Variants in ASIC2 observed in about 807,000 individuals in gnomAD.
The protein encoded by ASIC2 is acid-sensing ion channel 2.
In ASIC2, 25 loss-of-function variants were observed where a neutral mutation model predicts 57.3. The ratio of observed to expected loss-of-function variants is 0.44; its 90% CI spans 0.32 to 0.61. ASIC2 has a LOEUF of 0.61. ASIC2 is among the 20% of genes least tolerant of loss of function. The pLI, the probability that ASIC2 is intolerant of heterozygous loss-of-function variation, is 0.06. For synonymous variants in ASIC2, 319 were observed against 307.5 expected, an observed-to-expected ratio of 1.04 and a Z score of -0.39; for missense variants, 641 against 738.1, an observed-to-expected ratio of 0.87 and a Z score of 1.52.
intron 3 of ASIC2, among the ~76,000 whole-genome samples, chr17:33,049,649 T>G (rs1299821190): frequency 6.6e-6 from 1 of 152,196 alleles, no homozygotes; most frequent in Non-Finnish European, 1.5e-5. Context: ...GTTGTTATTA[T>G]TGCCTGTAGA....
intron 1 of ASIC2, among the ~76,000 whole-genome samples, chr17:33,273,624 T>C (rs1050780098): frequency 6.6e-6 from 1 of 152,108 alleles, no homozygotes; most frequent in African/African-American, 2.4e-5. Context: ...AACAGAACAA[T>C]AACAGCCAAA....
intron 1 of ASIC2, among the ~76,000 whole-genome samples, chr17:33,731,847 G>A (rs998873067): frequency 2.6e-5 from 4 of 152,172 alleles, no homozygotes; most frequent in African/African-American, 7.2e-5. Context: ...CAAAGACAGT[G>A]TTCAGAACAG....
intron 3 of ASIC2, among the ~76,000 whole-genome samples, chr17:33,073,329 G>A (rs144240280): frequency 6.6e-6 from 1 of 152,306 alleles, no homozygotes; most frequent in East Asian, 1.9e-4. Context: ...GTTACCAAAA[G>A]TTCTGTCCAC....
chr17:34,010,613 G>C (rs928210985), intron 1 of ASIC2, among the ~76,000 whole-genome samples: 2 of 151,710 alleles, frequency 1.3e-5, no homozygotes, highest in African/African-American at 4.8e-5. Context: ...ACACAGATAC[G>C]CACAAACATA....
intron 1 of ASIC2, among the ~76,000 whole-genome samples, chr17:33,964,822 C>A (rs1905030041): frequency 6.6e-6 from 1 of 152,206 alleles, no homozygotes; most frequent in Admixed American, 6.5e-5. Flanking sequence ...AGAACTGAGG[C>A]TGGAGTCAGA....
At chr17:33,714,984 A>ATTT (rs1239048810) in intron 1 of ASIC2, among the ~76,000 whole-genome samples, 4 of 98,228 alleles carry the variant, frequency 4.1e-5, no homozygotes, top group African/African-American at 1.6e-4. Flanking sequence ...TGCCAGGCTA[A>ATTT]TTTATTATTA....
chr17:33,873,940 C>A (rs1203496992), intron 1 of ASIC2, among the ~76,000 whole-genome samples: 2 of 152,210 alleles, frequency 1.3e-5, no homozygotes, highest in Admixed American at 6.5e-5. Flanking sequence ...CATAGCCAGG[C>A]AGCTGGGGCT....
chr17:33,498,638 G>T (rs1047165385), intron 1 of ASIC2, among the ~76,000 whole-genome samples: 1 of 152,198 alleles, frequency 6.6e-6, no homozygotes, highest in African/African-American at 2.4e-5. Context: ...CCCTTGCTCT[G>T]GTCCCGGCAC....
chr17:33,841,631 C>T (rs970847401), intron 1 of ASIC2, among the ~76,000 whole-genome samples: 3 of 152,162 alleles, frequency 2.0e-5, no homozygotes, highest in African/African-American at 7.2e-5. Context: ...GAAGAGTCCC[C>T]GTGGTATAAG....
chr17:33,591,393 C>G (rs1300772345), intron 1 of ASIC2, among the ~76,000 whole-genome samples: 1 of 152,178 alleles, frequency 6.6e-6, no homozygotes, highest in Non-Finnish European at 1.5e-5. Flanking sequence ...ATTTCTCTGC[C>G]CCCAGCAGAC....
At chr17:33,780,690 G>A (rs573278125) in intron 1 of ASIC2, among the ~76,000 whole-genome samples, 2 of 152,288 alleles carry the variant, frequency 1.3e-5, no homozygotes, top group South Asian at 4.1e-4. Context: ...TTATGTGGCG[G>A]GCACTGTCCC....
At chr17:34,071,510 G>A (rs1909400378) in intron 1 of ASIC2, 1 of 152,088 alleles carries the variant, frequency 6.6e-6, no homozygotes. Context: ...GAGGGGGCGG[G>A]GAGATAGAAG....
chr17:33,306,525 G>A (rs1906180836), intron 1 of ASIC2, among the ~76,000 whole-genome samples: 1 of 152,020 alleles, frequency 6.6e-6, no homozygotes, highest in Admixed American at 6.6e-5. Context: ...TAGAAAGCTT[G>A]GACTTATCCT....
intron 1 of ASIC2, among the ~76,000 whole-genome samples, chr17:33,232,149 G>A (rs187789768): frequency 2.6e-5 from 4 of 152,248 alleles, no homozygotes; most frequent in African/African-American, 9.6e-5. Context: ...TTTAGGTCAG[G>A]TCATGCGGGT....
At chr17:33,162,234 T>C (rs559014500) in intron 1 of ASIC2, among the ~76,000 whole-genome samples, 244 of 152,244 alleles carry the variant, frequency 1.6e-3, no homozygotes, top group African/African-American at 5.7e-3. Flanking sequence ...GGGATACAGA[T>C]ACAATGAGCT....
chr17:33,110,498 G>A (rs4795745), intron 2 of ASIC2, among the ~76,000 whole-genome samples: 9,535 of 152,268 alleles, frequency 0.063, 441 homozygotes, highest in African/African-American at 0.13. Context: ...GTGCCCTGGC[G>A]CCTGAGGTGA....
At chr17:33,611,922 C>G (rs377146826) in intron 1 of ASIC2, among the ~76,000 whole-genome samples, 26 of 152,184 alleles carry the variant, frequency 1.7e-4, no homozygotes, top group Non-Finnish European at 3.1e-4. Context: ...AGTCCAAGAT[C>G]TGCAGCCAGC....
Position 33,424,224 on chromosome 17 carries a change from C to G in ASIC2, c.556-312157G>C, listed in dbSNP as rs1455773523. The stretch of plus-strand genomic sequence containing the variant: ...CTGCCCCCAAGGGTTATACGTTTCC[C>G]CATTTCTCCTCCTGCCACCTAGAAC... On this transcript the variant is annotated intron_variant, in intron 1 of 9. Coordinates refer to the ASIC2 transcript ENST00000359872. Among the ~76,000 whole-genome samples, 4 of 152,296 alleles carry G rather than the reference C, an allele frequency of 2.6e-5. No homozygotes were observed. In the South Asian group the frequency reaches 6.2e-4, roughly 24 times the overall value.
At chr17:33,070,319 G>T (rs978053546) in intron 3 of ASIC2, among the ~76,000 whole-genome samples, 2 of 148,060 alleles carry the variant, frequency 1.4e-5, no homozygotes, top group African/African-American at 5.0e-5. Context: ...TGGTGCAAAA[G>T]TAACCACAGT....
Sources: gnomAD v4.1 joint callset for allele counts (sites outside exome capture counted in the v4.1 genomes callset) on GRCh38, gnomAD v4.1.1 for gene constraint, MANE v1.5 for transcripts, NCBI Gene and HGNC (gene_info 2026-07-23, HGNC 2026-07-21) for gene names.